DLGAP2: variants seen among roughly 807,000 people sequenced by gnomAD.
DLGAP2 encodes the protein DLG associated protein 2.
DLGAP2 carries 26 observed loss-of-function variants against 100.3 expected under a neutral mutation model. The observed-to-expected ratio is 0.26, with a 90% CI of 0.19 to 0.36. DLGAP2 has a LOEUF of 0.36. Ranked by LOEUF, DLGAP2 falls within the 10% of genes least tolerant of loss-of-function variation. The pLI, the probability that DLGAP2 is intolerant of heterozygous loss-of-function variation, is 1.00. For synonymous variants in DLGAP2, 886 were observed against 630.1 expected, an observed-to-expected ratio of 1.41 and a Z score of -6.08; for missense variants, 1,858 against 1,453.2, an observed-to-expected ratio of 1.28 and a Z score of -4.53.
At chr8:1,411,949 T>C (rs1272051657) in intron 3 of DLGAP2, among the ~76,000 whole-genome samples, 3 of 152,144 alleles carry the variant, frequency 2.0e-5, no homozygotes, top group Non-Finnish European at 4.4e-5. Context: ...TCCTCCACGT[T>C]CAGACACATG....
At chr8:1,613,250 G>A (rs1797037573) in intron 6 of DLGAP2, among the ~76,000 whole-genome samples, 1 of 144,500 alleles carries the variant, frequency 6.9e-6, no homozygotes, top group Non-Finnish European at 1.5e-5. Flanking sequence ...TAGGGACATG[G>A]ATGAAATTGG....
chr8:1,082,045 C>T (rs1803828963), intron 2 of DLGAP2, among the ~76,000 whole-genome samples: 1 of 152,148 alleles, frequency 6.6e-6, no homozygotes, highest in African/African-American at 2.4e-5. Flanking sequence ...CCCCTCTGTG[C>T]AGGAAGAAAT....
chr8:1,481,189 T>C (rs866209986), intron 3 of DLGAP2, among the ~76,000 whole-genome samples: 1 of 151,628 alleles, frequency 6.6e-6, no homozygotes, highest in Non-Finnish European at 1.5e-5. Context: ...AAAAAAAAAA[T>C]TTTAAAAACC....
chr8:1,577,268 C>T (rs148591318), intron 6 of DLGAP2, among the ~76,000 whole-genome samples: 255 of 152,238 alleles, frequency 1.7e-3, no homozygotes, highest in Admixed American at 2.2e-3. Context: ...TGTCAATATA[C>T]GATAAAAATT....
At chr8:850,731 C>T (rs925593966) in intron 1 of DLGAP2, among the ~76,000 whole-genome samples, 6 of 152,066 alleles carry the variant, frequency 3.9e-5, no homozygotes, top group African/African-American at 1.4e-4. Context: ...TTAAATGTTG[C>T]GAAACTATCT....
intron 1 of DLGAP2, among the ~76,000 whole-genome samples, chr8:806,793 G>C (rs1251081734): frequency 6.6e-6 from 1 of 152,150 alleles, no homozygotes; most frequent in East Asian, 1.9e-4. Flanking sequence ...ATATGATGTC[G>C]CTCTTCTTAT....
chr8:1,227,411 C>T (rs570930273), intron 2 of DLGAP2, among the ~76,000 whole-genome samples: 16 of 151,162 alleles, frequency 1.1e-4, no homozygotes, highest in African/African-American at 1.2e-4. Flanking sequence ...GATCTTTCTC[C>T]GTACATTTAC....
chr8:1,675,420 A>G (rs1798789289), intron 10 of DLGAP2, among the ~76,000 whole-genome samples: 2 of 152,216 alleles, frequency 1.3e-5, no homozygotes, highest in African/African-American at 4.8e-5. Flanking sequence ...ATAACGCTGG[A>G]ACCTCAGCCT....
intron 12 of DLGAP2, among the ~76,000 whole-genome samples, chr8:1,690,683 G>A (rs570801759): frequency 5.4e-4 from 58 of 107,384 alleles, no homozygotes; most frequent in Middle Eastern, 9.1e-3. Flanking sequence ...CAGCCTGGGC[G>A]ATAAAGGGAG....
At chr8:1,469,641 G>A (rs201158843) in intron 3 of DLGAP2, among the ~76,000 whole-genome samples, 7 of 152,160 alleles carry the variant, frequency 4.6e-5, no homozygotes, top group Non-Finnish European at 8.8e-5. Context: ...CAATGCATCT[G>A]CCTCACCCCA....
At position 770,748 on chromosome 8, in the gene DLGAP2, C is replaced by G. The variant is rs1233606188; in HGVS notation, c.18+32923C>G. 3.9e-5 allele frequency among the ~76,000 whole-genome samples: 6 copies of G among 152,112 alleles called. No homozygotes were observed. In the East Asian group the frequency reaches 7.7e-4, roughly 20 times the overall value. ...GGGGGTTATGCTTGCATTGTGAGCC[C>G]CTGAGCTGTAAAATCCTGGGGCAGG... On this transcript the variant is annotated intron_variant, in intron 1 of 14. Transcript: ENST00000637795.
chr8:1,336,356 A>G (rs1420107983), intron 3 of DLGAP2, among the ~76,000 whole-genome samples: 1 of 152,212 alleles, frequency 6.6e-6, no homozygotes, highest in African/African-American at 2.4e-5. Context: ...GAGAGAAAGG[A>G]AGGAAAGAGC....
chr8:1,628,974 C>G (rs1292165863), intron 7 of DLGAP2, among the ~76,000 whole-genome samples: 1 of 152,228 alleles, frequency 6.6e-6, no homozygotes, highest in African/African-American at 2.4e-5. Flanking sequence ...ATACTGAGCA[C>G]TCAAAAATGA....
At chr8:1,079,371 T>C (rs1455886552) in intron 2 of DLGAP2, among the ~76,000 whole-genome samples, 1 of 152,220 alleles carries the variant, frequency 6.6e-6, no homozygotes, top group Admixed American at 6.5e-5. Flanking sequence ...AATAGGAGTG[T>C]GTGTGCTGTT....
intron 3 of DLGAP2, among the ~76,000 whole-genome samples, chr8:1,337,499 TGAG>T (rs1801315183): frequency 6.7e-6 from 1 of 148,944 alleles, no homozygotes; most frequent in Middle Eastern, 3.5e-3. Context: ...ATAGTGGTGA[TGAG>T]GATGATGATG....
At chr8:1,492,761 G>T (rs752541354) in intron 3 of DLGAP2, among the ~76,000 whole-genome samples, 1 of 152,158 alleles carries the variant, frequency 6.6e-6, no homozygotes, top group Admixed American at 6.5e-5. Context: ...CGACGCAGCC[G>T]ATTTTGCGTG....
At chr8:1,150,713 C>T (rs1796683702) in intron 2 of DLGAP2, among the ~76,000 whole-genome samples, 1 of 152,194 alleles carries the variant, frequency 6.6e-6, no homozygotes. Context: ...GAATATAACA[C>T]TTTCTTCCAT....
chr8:978,911 A>G (rs1332490093), intron 2 of DLGAP2, among the ~76,000 whole-genome samples: 4 of 152,208 alleles, frequency 2.6e-5, no homozygotes, highest in Non-Finnish European at 5.9e-5. Context: ...TATTATTGCA[A>G]AAATAACTCC....
intron 2 of DLGAP2, among the ~76,000 whole-genome samples, chr8:1,000,784 G>T (rs79270223): frequency 0.09 from 13,719 of 152,188 alleles, 841 homozygotes; most frequent in Middle Eastern, 0.2. Flanking sequence ...ACGGTGTGGA[G>T]GTGGCTCCTC....
Sources: gnomAD v4.1 joint callset for allele counts (sites outside exome capture counted in the v4.1 genomes callset) on GRCh38, gnomAD v4.1.1 for gene constraint, MANE v1.5 for transcripts, NCBI Gene and HGNC (gene_info 2026-07-23, HGNC 2026-07-21) for gene names.